Variants in ANKRD33B observed in about 807,000 individuals in gnomAD.
ANKRD33B encodes the protein ankyrin repeat domain-containing protein 33B.
Under a neutral mutation model 21.5 loss-of-function variants are expected in ANKRD33B, and 6 were observed. The observed-to-expected ratio is 0.28, with a 90% CI of 0.15 to 0.55. The LOEUF is 0.55. Ranked by LOEUF, ANKRD33B falls within the 20% of genes least tolerant of loss-of-function variation. The probability of loss-of-function intolerance (pLI) is 0.94; values close to 1 mark genes in which losing one functional copy is unlikely to be tolerated. For synonymous variants in ANKRD33B, 347 were observed against 342.4 expected (o/e 1.01, Z -0.15); for missense variants, 698 against 747.2 (o/e 0.93, Z 0.77).
intron 2 of ANKRD33B, among the ~76,000 whole-genome samples, chr5:10,624,371 C>T (rs753074432): frequency 7.2e-5 from 11 of 152,140 alleles, no homozygotes; most frequent in Non-Finnish European, 7.4e-5. Context: ...CTCAAGTGAT[C>T]CGCCCACCTT....
At position 10,564,431 on chromosome 5, in the gene ANKRD33B, C is replaced by T. The variant is rs1000937528; in HGVS notation, c.-37C>T. On this transcript the variant is annotated 5_prime_UTR_variant, in exon 1 of 4. Transcript: ENST00000296657. ...CGCCCCGCGTCCCGCTCTTCCTGCCCGCGCCCCGGCCCCCGGCCCGCGCCC... is the reference window on the plus strand; with the variant it reads ...CGCCCCGCGTCCCGCTCTTCCTGCCTGCGCCCCGGCCCCCGGCCCGCGCCC... 8 of 1,045,554 alleles carry T rather than the reference C, an allele frequency of 7.7e-6. No homozygotes were observed. The highest frequency in any genetic ancestry group is 9.2e-6 in the Non-Finnish European group (8 of 870,664). 64.8% of individuals were successfully genotyped at this position (1,045,554 alleles called of 1,614,324 possible).
intron 3 of ANKRD33B, among the ~76,000 whole-genome samples, chr5:10,642,914 T>G (rs1015469970): frequency 6.6e-6 from 1 of 152,138 alleles, no homozygotes; most frequent in African/African-American, 2.4e-5. Context: ...CTTTGTTTTG[T>G]TTTGTTTTGA....
At chr5:10,568,615 A>G (rs1579706255) in intron 1 of ANKRD33B, among the ~76,000 whole-genome samples, 1 of 151,796 alleles carries the variant, frequency 6.6e-6, no homozygotes, top group Non-Finnish European at 1.5e-5. Flanking sequence ...GCTCACTGCA[A>G]CCTCCGCCTC....
At chr5:10,577,035 C>G (rs957220955) in intron 1 of ANKRD33B, among the ~76,000 whole-genome samples, 1 of 152,066 alleles carries the variant, frequency 6.6e-6, no homozygotes, top group South Asian at 2.1e-4. Context: ...AAGCTGGTGC[C>G]GGGGATGGTC....
intron 1 of ANKRD33B, among the ~76,000 whole-genome samples, chr5:10,584,188 A>G (rs1287288820): frequency 6.6e-6 from 1 of 152,340 alleles, no homozygotes; most frequent in East Asian, 1.9e-4. Flanking sequence ...TTGATTTTCA[A>G]AGTGATTTTT....
In ANKRD33B at chr5:10,611,711, G is replaced by A. The variant is rs554962129; in HGVS notation, c.367-6622G>A. ...AACTTCTAACAACACATCCCAGAAA[G>A]GATCTGGTTCAAGATACTAACAATC... is the stretch of plus-strand genomic sequence containing the variant. On this transcript the variant is annotated intron_variant, in intron 1 of 3. Coordinates refer to ENST00000296657, the MANE Select transcript of ANKRD33B (RefSeq NM_001164440.2). 2.6e-5 allele frequency among the ~76,000 whole-genome samples: 4 copies of A among 152,316 alleles called. No homozygotes were observed. The South Asian group carries it at 8.3e-4, about 32-fold the overall frequency.
chr5:10,592,681 G>T (rs1350788560), intron 1 of ANKRD33B, among the ~76,000 whole-genome samples: 1 of 151,790 alleles, frequency 6.6e-6, no homozygotes. Context: ...AGATGAGCTT[G>T]CAGTGAGAGA....
chr5:10,581,472 T>G (rs937036794), intron 1 of ANKRD33B, among the ~76,000 whole-genome samples: 1 of 152,192 alleles, frequency 6.6e-6, no homozygotes, highest in African/African-American at 2.4e-5. Flanking sequence ...TCTTTTTGCT[T>G]TTTGCTTCTT....
chr5:10,568,153 C>T (rs1157146368), intron 1 of ANKRD33B, among the ~76,000 whole-genome samples: 1 of 152,188 alleles, frequency 6.6e-6, no homozygotes, highest in African/African-American at 2.4e-5. Flanking sequence ...CACCATTTTC[C>T]TTCTAAAATA....
At chr5:10,629,378 T>C (rs926898749) in intron 2 of ANKRD33B, among the ~76,000 whole-genome samples, 3 of 152,122 alleles carry the variant, frequency 2.0e-5, no homozygotes, top group East Asian at 1.9e-4. Context: ...AGAGGTGCAG[T>C]TGGCAGAATG....
chr5:10,650,201 C>T lies in ANKRD33B; in HGVS notation c.*88C>T. The stretch of plus-strand genomic sequence containing the variant: ...CGGAGAAGGAGGCGGCCCCGTTGCG[C>T]ATCGCACCACTTCCGCTCCATGGAC... On this transcript the variant is annotated 3_prime_UTR_variant, in exon 4 of 4. Transcript: ENST00000296657. 1.5e-6 allele frequency: 2 copies of T among 1,326,410 alleles called. No individual in the cohort carries two copies. Among genetic ancestry groups the T allele is most frequent in the East Asian group, 2.9e-5 (1 of 34,656 alleles). 82.2% of individuals were successfully genotyped at this position (1,326,410 alleles called of 1,614,324 possible). A position where few individuals can be genotyped will look rare whatever the true frequency, so the allele number is the denominator to read the frequency against.
intron 1 of ANKRD33B, among the ~76,000 whole-genome samples, chr5:10,607,357 G>A (rs1289763193): frequency 1.3e-5 from 2 of 152,194 alleles, no homozygotes; most frequent in East Asian, 3.9e-4. Context: ...TGAGCTTCAA[G>A]GGCAGTCAAG....
Position 10,564,411 on chromosome 5 carries a change from C to G in ANKRD33B, c.-57C>G. The G allele has an allele frequency of 9.9e-7, 1 of 1,011,856 alleles. No homozygotes were observed. The highest frequency in any genetic ancestry group is 1.2e-6 in the Non-Finnish European group (1 of 845,942). 62.7% of individuals were successfully genotyped at this position (1,011,856 alleles called of 1,614,324 possible). A position where few individuals can be genotyped will look rare whatever the true frequency, so the allele number is the denominator to read the frequency against. On this transcript the variant is annotated 5_prime_UTR_variant, in exon 1 of 4. Coordinates refer to ENST00000296657, the MANE Select transcript of ANKRD33B (RefSeq NM_001164440.2). ...GAAGCGGGGACCTCGGCGCGCGCCCCGCGTCCCGCTCTTCCTGCCCGCGCC... is the reference window on the plus strand; with the variant it reads ...GAAGCGGGGACCTCGGCGCGCGCCCGGCGTCCCGCTCTTCCTGCCCGCGCC...
intron 1 of ANKRD33B, among the ~76,000 whole-genome samples, chr5:10,608,356 TAAAA>T: frequency 9.2e-6 from 1 of 108,420 alleles, no homozygotes; most frequent in East Asian, 2.6e-4. Flanking sequence ...AGACTCCATC[TAAAA>T]AAAAAAAAAA....
At chr5:10,640,495 C>T (rs144515123) in intron 3 of ANKRD33B, among the ~76,000 whole-genome samples, 1 of 152,216 alleles carries the variant, frequency 6.6e-6, no homozygotes, top group Non-Finnish European at 1.5e-5. Flanking sequence ...GAAATAGAAT[C>T]AATGATCATC....
intron 2 of ANKRD33B, among the ~76,000 whole-genome samples, chr5:10,626,745 G>A (rs1249150227): frequency 6.6e-6 from 1 of 152,110 alleles, no homozygotes; most frequent in Non-Finnish European, 1.5e-5. Flanking sequence ...AATCCCTGTC[G>A]GCGTTTCCCT....
rs1736373648 is a variant in ANKRD33B at position 10,619,735 on chromosome 5, A to G, written c.496+1273A>G. ...AGAGTGTGAAAGGGCTTTGTAAGGCATTCAGTGATTCGTTTCCTCTCGTGG... is the reference window on the plus strand; with the variant it reads ...AGAGTGTGAAAGGGCTTTGTAAGGCGTTCAGTGATTCGTTTCCTCTCGTGG... On this transcript the variant is annotated intron_variant, in intron 2 of 3. Transcript: ENST00000296657. The surrounding 1 kb of genome is among the most constrained non-coding windows in gnomAD (Gnocchi z 4.5). Among the ~76,000 whole-genome samples, 1 of 152,208 alleles carries G rather than the reference A, an allele frequency of 6.6e-6. No individual in the cohort carries two copies. Among genetic ancestry groups the G allele is most frequent in the Admixed American group, 6.5e-5 (1 of 15,280 alleles).
chr5:10,648,203 C>T (rs1737234546), intron 3 of ANKRD33B, among the ~76,000 whole-genome samples: 1 of 152,152 alleles, frequency 6.6e-6, no homozygotes, highest in African/African-American at 2.4e-5. Flanking sequence ...CCTGGAAAAG[C>T]CCACCATCGG....
intron 1 of ANKRD33B, among the ~76,000 whole-genome samples, chr5:10,593,965 C>G (rs1317658336): frequency 6.6e-6 from 1 of 152,224 alleles, no homozygotes; most frequent in African/African-American, 2.4e-5. Context: ...AAGGCAGAAC[C>G]TGTCCCAGAG....
Sources: gnomAD v4.1 joint callset for allele counts (sites outside exome capture counted in the v4.1 genomes callset) on GRCh38, gnomAD v4.1.1 for gene constraint, Gnocchi (gnomAD v3.1) non-coding constraint, MANE v1.5 for transcripts, NCBI Gene and HGNC (gene_info 2026-07-23, HGNC 2026-07-21) for gene names.